Variants in GALNT14 observed in about 807,000 individuals in gnomAD.
The protein encoded by GALNT14 is UDP-GalNAc:polypeptide N-acetylgalactosaminyltransferase 14.
GALNT14 carries 60 observed loss-of-function variants against 77.5 expected under a neutral mutation model. That is an observed-to-expected ratio of 0.77 (90% CI 0.63 to 0.96). GALNT14 has a LOEUF of 0.96. GALNT14 is among the 40% of genes least tolerant of loss of function. The pLI is 0.00. For synonymous variants in GALNT14, 280 were observed against 281.7 expected, an observed-to-expected ratio of 0.99 and a Z score of 0.06; for missense variants, 710 against 731.0, an observed-to-expected ratio of 0.97 and a Z score of 0.33.
At chr2:30,928,153 G>A (rs1665502050) in intron 11 of GALNT14, among the ~76,000 whole-genome samples, 1 of 152,166 alleles carries the variant, frequency 6.6e-6, no homozygotes, top group African/African-American at 2.4e-5. Flanking sequence ...GAGAACCTGA[G>A]GGGCAGCATG....
chr2:30,912,687 AG>A (rs1471581663), intron 13 of GALNT14, among the ~76,000 whole-genome samples: 1 of 152,144 alleles, frequency 6.6e-6, no homozygotes, highest in Admixed American at 6.5e-5. Flanking sequence ...AAACATCTCG[AG>A]GGGGTCTGTT....
At chr2:31,076,545 C>A (rs1675799298) in intron 1 of GALNT14, among the ~76,000 whole-genome samples, 1 of 151,742 alleles carries the variant, frequency 6.6e-6, no homozygotes, top group Admixed American at 6.6e-5. Flanking sequence ...ACCAACATTT[C>A]CATGGGGTAA....
chr2:30,940,766 C>T (rs374909953), intron 9 of GALNT14, among the ~76,000 whole-genome samples: 1 of 152,160 alleles, frequency 6.6e-6, no homozygotes, highest in Non-Finnish European at 1.5e-5. Context: ...TGGAGGCAGA[C>T]CCAGCCTCGA....
intron 1 of GALNT14, among the ~76,000 whole-genome samples, chr2:31,026,229 T>C (rs567990483): frequency 2.2e-4 from 34 of 152,234 alleles, no homozygotes; most frequent in African/African-American, 7.2e-4. Flanking sequence ...AAGGTCAGAG[T>C]GTCCATCTTC....
chr2:30,946,861 C>T (rs968493400), intron 6 of GALNT14, among the ~76,000 whole-genome samples: 3 of 152,194 alleles, frequency 2.0e-5, no homozygotes, highest in East Asian at 1.9e-4. Context: ...CCCGACTTCC[C>T]TGTTAGCTTC....
downstream of GALNT14, among the ~76,000 whole-genome samples, chr2:30,908,587 T>C (rs1196614068): frequency 3.9e-3 from 499 of 127,646 alleles, 4 homozygotes; most frequent in South Asian, 0.029. Context: ...GAACATTCCA[T>C]GCTCATGGGT....
chr2:31,069,950 G>C (rs1421771407), intron 1 of GALNT14, among the ~76,000 whole-genome samples: 5 of 152,136 alleles, frequency 3.3e-5, no homozygotes, highest in Non-Finnish European at 7.3e-5. Context: ...ATGCATCAAA[G>C]CTGGCCTGGA....
intron 1 of GALNT14, among the ~76,000 whole-genome samples, chr2:31,010,145 C>T (rs1448542391): frequency 6.6e-6 from 1 of 152,222 alleles, no homozygotes; most frequent in African/African-American, 2.4e-5. Context: ...ACCACCACAT[C>T]TGCCTAATTT....
chr2:31,035,218 T>G (rs1223749548), intron 1 of GALNT14, among the ~76,000 whole-genome samples: 1 of 152,200 alleles, frequency 6.6e-6, no homozygotes, highest in African/African-American at 2.4e-5. Flanking sequence ...CTACCTATAA[T>G]TATTGAATGG....
chr2:31,054,536 T>C (rs1291421781), intron 1 of GALNT14, among the ~76,000 whole-genome samples: 1 of 152,252 alleles, frequency 6.6e-6, no homozygotes, highest in Non-Finnish European at 1.5e-5. Context: ...GAACCCAGCA[T>C]AGCGCCTACC....
At chr2:30,941,813 C>G (rs1666392988) in intron 9 of GALNT14, among the ~76,000 whole-genome samples, 1 of 152,190 alleles carries the variant, frequency 6.6e-6, no homozygotes, top group Non-Finnish European at 1.5e-5. Flanking sequence ...TCTCTTCAAG[C>G]TCCTTCCAAC....
intron 1 of GALNT14, among the ~76,000 whole-genome samples, chr2:31,007,042 G>T (rs17010540): frequency 9.2e-5 from 14 of 152,128 alleles, no homozygotes; most frequent in African/African-American, 3.4e-4. Context: ...GGATGGGAGC[G>T]AATGACTTTG....
intron 4 of GALNT14, among the ~76,000 whole-genome samples, chr2:30,957,226 T>G (rs946061995): frequency 3.3e-5 from 5 of 152,162 alleles, no homozygotes; most frequent in Non-Finnish European, 5.9e-5. Context: ...ACTTCAAATG[T>G]GTTAACATGT....
At chr2:30,913,707 A>C (rs547735816) in intron 13 of GALNT14, among the ~76,000 whole-genome samples, 20 of 152,128 alleles carry the variant, frequency 1.3e-4, no homozygotes, top group Non-Finnish European at 2.5e-4. Flanking sequence ...TGGCTCCTGC[A>C]TTAGGATTCT....
intron 1 of GALNT14, among the ~76,000 whole-genome samples, chr2:31,011,873 T>C (rs1015950662): frequency 1.3e-5 from 2 of 152,178 alleles, no homozygotes; most frequent in Non-Finnish European, 2.9e-5. Context: ...TCTCTGGACG[T>C]GCCGCCTGGC....
At chr2:31,055,902 C>T (rs906882825) in intron 1 of GALNT14, among the ~76,000 whole-genome samples, 5 of 152,208 alleles carry the variant, frequency 3.3e-5, no homozygotes, top group Non-Finnish European at 7.3e-5. Context: ...ACCTAGACAG[C>T]GCTAATAGCA....
In GALNT14 at chr2:30,929,400, G is replaced by A. The variant is rs1480740304; in HGVS notation, c.1146C>T (p.Phe382=). 1.8e-5 allele frequency: 29 copies of A among 1,613,332 alleles called. No homozygotes were observed. Among genetic ancestry groups the A allele is most frequent in the Admixed American group, 1.0e-4 (6 of 60,002 alleles). Reference sequence around the variant, plus strand: ...CAACCTGAAGGGACACTTACTTCCCGAAGGGCCTCTCCAGGGCGAATGGCC... The same window carrying A: ...CAACCTGAAGGGACACTTACTTCCCAAAGGGCCTCTCCAGGGCGAATGGCC... ...AARPFALERP[F]GNVESRLDLR... is the part of the protein sequence containing the mutation. Residue 382 remains phenylalanine (F), a synonymous_variant, in exon 11 of 15, where the codon TTC becomes TTT. Coordinates refer to ENST00000349752, the MANE Select transcript of GALNT14 (RefSeq NM_024572.4).
intron 1 of GALNT14, among the ~76,000 whole-genome samples, chr2:31,120,857 T>C (rs1678375476): frequency 6.6e-6 from 1 of 152,162 alleles, no homozygotes. Flanking sequence ...CGCCCAGCCA[T>C]GGACACAATT....
At chr2:31,009,385 T>C (rs1218120808) in intron 1 of GALNT14, among the ~76,000 whole-genome samples, 1 of 152,196 alleles carries the variant, frequency 6.6e-6, no homozygotes, top group African/African-American at 2.4e-5. Flanking sequence ...TGGCATCTTC[T>C]TCATTTCCTT....
Sources: gnomAD v4.1 joint callset for allele counts (sites outside exome capture counted in the v4.1 genomes callset) on GRCh38, gnomAD v4.1.1 for gene constraint, MANE v1.5 for transcripts, NCBI Gene and HGNC (gene_info 2026-07-23, HGNC 2026-07-21) for gene names.